The following PIP4K2A variants were observed in gnomAD, a reference collection of about 807,000 sequenced individuals.
PIP4K2A encodes phosphatidylinositol-5-phosphate 4-kinase type 2 alpha.
PIP4K2A carries 14 observed loss-of-function variants against 42.9 expected under a neutral mutation model. That is an observed-to-expected ratio of 0.33 (90% CI 0.22 to 0.51). The LOEUF (loss-of-function observed/expected upper bound fraction) is 0.51, where lower values mean the gene tolerates loss of function less well. Among genes scored for constraint, PIP4K2A ranks in the 20% least tolerant of loss-of-function variants. The probability of loss-of-function intolerance (pLI) is 0.97; values close to 1 mark genes in which losing one functional copy is unlikely to be tolerated. For synonymous variants in PIP4K2A, 192 were observed against 192.2 expected, an observed-to-expected ratio of 1.00 and a Z score of 0.01; for missense variants, 434 against 519.8, an observed-to-expected ratio of 0.83 and a Z score of 1.61.
intron 7 of PIP4K2A, among the ~76,000 whole-genome samples, chr10:22,549,460 A>C (rs10828316): frequency 0.24 from 36,171 of 152,072 alleles, 5,178 homozygotes; most frequent in East Asian, 0.41. Flanking sequence ...AATGAATGAA[A>C]GCAACAGCTA....
At chr10:22,581,028 C>T (rs548320962) in intron 4 of PIP4K2A, among the ~76,000 whole-genome samples, 5 of 152,298 alleles carry the variant, frequency 3.3e-5, no homozygotes, top group East Asian at 1.9e-4. Context: ...CTGGCCGTCC[C>T]GTGTGTGGCT....
At chr10:22,580,493 A>G (rs1444714097) in intron 4 of PIP4K2A, among the ~76,000 whole-genome samples, 2 of 152,078 alleles carry the variant, frequency 1.3e-5, no homozygotes, top group Non-Finnish European at 2.9e-5. Flanking sequence ...CAACAAAAAG[A>G]AAATAAAAGA....
Position 22,714,453 on chromosome 10 carries a change from CCCG to C in PIP4K2A, c.-130_-128del. 4.3e-5 allele frequency: 19 copies of C among 442,800 alleles called. No individual in the cohort carries two copies. The highest frequency in any genetic ancestry group is 9.1e-5 in the South Asian group (1 of 10,944). 27.4% of individuals were successfully genotyped at this position (442,800 alleles called of 1,614,324 possible). On this transcript the variant is annotated 5_prime_UTR_variant, in exon 1 of 10. Transcript: ENST00000376573. The stretch of plus-strand genomic sequence containing the variant: ...CCCCGGCGCGCCGCGCTCCGCTCCG[CCCG>C]CCGCCGCCGGCGCGCTCAGCCCCAC...
intron 1 of PIP4K2A, among the ~76,000 whole-genome samples, chr10:22,646,740 C>T (rs1838892150): frequency 6.6e-6 from 1 of 152,154 alleles, no homozygotes; most frequent in South Asian, 2.1e-4. Context: ...CAGTGGGGAG[C>T]ACTGTTGTTT....
At chr10:22,684,484 C>T (rs1588705914) in intron 1 of PIP4K2A, among the ~76,000 whole-genome samples, 1 of 152,298 alleles carries the variant, frequency 6.6e-6, no homozygotes, top group Middle Eastern at 3.4e-3. Flanking sequence ...TTTCATTATA[C>T]TGTTTCTTAT....
At chr10:22,584,679 T>C (rs73598570) in intron 4 of PIP4K2A, among the ~76,000 whole-genome samples, 4,433 of 152,232 alleles carry the variant, frequency 0.029, 149 homozygotes, top group African/African-American at 0.08. Context: ...GGGGCACTCA[T>C]TGGGCCACAG....
chr10:22,592,878 TTC>T (rs968896416), intron 3 of PIP4K2A, among the ~76,000 whole-genome samples: 5 of 152,212 alleles, frequency 3.3e-5, no homozygotes, highest in African/African-American at 1.2e-4. Flanking sequence ...CAAACATGCT[TTC>T]TCTCTTTAAC....
intron 1 of PIP4K2A, among the ~76,000 whole-genome samples, chr10:22,710,166 A>C (rs1021455710): frequency 6.6e-6 from 1 of 152,146 alleles, no homozygotes; most frequent in Non-Finnish European, 1.5e-5. Context: ...ACGCTCCACC[A>C]AGGACACCAT....
intron 1 of PIP4K2A, among the ~76,000 whole-genome samples, chr10:22,684,830 T>C (rs1263104373): frequency 2.6e-5 from 4 of 152,366 alleles, no homozygotes; most frequent in South Asian, 4.1e-4. Flanking sequence ...CCAAGTCATC[T>C]GAAGTTGTGC....
chr10:22,704,083 G>T (rs1306030130), intron 1 of PIP4K2A, among the ~76,000 whole-genome samples: 1 of 152,122 alleles, frequency 6.6e-6, no homozygotes, highest in Admixed American at 6.5e-5. Context: ...AGCCCAAGAG[G>T]AAAGTTAGAG....
chr10:22,583,966 A>C (rs891382390), intron 4 of PIP4K2A, among the ~76,000 whole-genome samples: 2 of 152,228 alleles, frequency 1.3e-5, no homozygotes, highest in African/African-American at 4.8e-5. Context: ...CTGAGGCTTG[A>C]CTGGGCCAGC....
At chr10:22,666,052 C>T (rs1020653624) in intron 1 of PIP4K2A, among the ~76,000 whole-genome samples, 5 of 151,996 alleles carry the variant, frequency 3.3e-5, no homozygotes, top group Non-Finnish European at 7.4e-5. Context: ...ATAAACTTGA[C>T]CAAGGAAAGG....
intron 1 of PIP4K2A, among the ~76,000 whole-genome samples, chr10:22,637,370 A>C (rs1296067856): frequency 6.6e-6 from 1 of 152,226 alleles, no homozygotes; most frequent in Non-Finnish European, 1.5e-5. Flanking sequence ...AATAAACTGA[A>C]GCCAAATAAG....
At chr10:22,583,234 G>GCT (rs1245132324) in intron 4 of PIP4K2A, among the ~76,000 whole-genome samples, 2 of 152,346 alleles carry the variant, frequency 1.3e-5, no homozygotes, top group Non-Finnish European at 2.9e-5. Flanking sequence ...CAGAATGGCT[G>GCT]CTCCACGTAT....
intron 4 of PIP4K2A, among the ~76,000 whole-genome samples, chr10:22,577,077 C>CAAA (rs5783800): frequency 3.9e-5 from 3 of 76,460 alleles, no homozygotes; most frequent in Non-Finnish European, 5.7e-5. Flanking sequence ...ACTCCTGTCT[C>CAAA]AAAAAAAAAA....
chr10:22,629,029 C>G (rs1838500384), intron 1 of PIP4K2A, among the ~76,000 whole-genome samples: 1 of 152,158 alleles, frequency 6.6e-6, no homozygotes, highest in Admixed American at 6.5e-5. Flanking sequence ...TTGGGGACCT[C>G]AGAATTTTGT....
At chr10:22,688,381 A>G (rs1440665763) in intron 1 of PIP4K2A, among the ~76,000 whole-genome samples, 1 of 152,216 alleles carries the variant, frequency 6.6e-6, no homozygotes, top group African/African-American at 2.4e-5. Flanking sequence ...CATTTACAGA[A>G]TTTCCTTACG....
At chr10:22,651,800 G>A (rs919582299) in intron 1 of PIP4K2A, among the ~76,000 whole-genome samples, 3 of 152,194 alleles carry the variant, frequency 2.0e-5, no homozygotes, top group Non-Finnish European at 2.9e-5. Context: ...GGACAGATGC[G>A]TGGGCGACCC....
chr10:22,690,483 C>G (rs1000513000), intron 1 of PIP4K2A, among the ~76,000 whole-genome samples: 1 of 152,190 alleles, frequency 6.6e-6, no homozygotes, highest in African/African-American at 2.4e-5. Flanking sequence ...TTTCCACAAG[C>G]TGAAATACTA....
Sources: allele counts gnomAD v4.1 joint callset (sites outside exome capture counted in the v4.1 genomes callset), GRCh38; gene constraint gnomAD v4.1.1; transcripts MANE v1.5; gene names NCBI Gene and HGNC (gene_info 2026-07-23, HGNC 2026-07-21).